STIP1: variants seen among roughly 807,000 people sequenced by gnomAD.
STIP1 encodes the protein stress-induced-phosphoprotein 1.
Under a neutral mutation model 77.4 loss-of-function variants are expected in STIP1, and 16 were observed. The observed-to-expected ratio is 0.21, with a 90% confidence interval of 0.14 to 0.31. The LOEUF is 0.31. STIP1 is among the 10% of genes least tolerant of loss of function. The pLI, the probability that STIP1 is intolerant of heterozygous loss-of-function variation, is 1.00. For synonymous variants in STIP1, 258 were observed against 246.6 expected (o/e 1.05, Z -0.44); for missense variants, 524 against 684.8 (o/e 0.77, Z 2.62).
upstream of STIP1, chr11:64,185,991 G>A: frequency 6.5e-7 from 1 of 1,541,896 alleles, no homozygotes; most frequent in Non-Finnish European, 8.7e-7. Context: ...TTATAGAGGA[G>A]CGCCCAATCC....
intron 6 of STIP1, 21 bp from the exon 7 acceptor site, chr11:64,197,472 C>CT (rs746203554): frequency 6.2e-7 from 1 of 1,614,052 alleles, no homozygotes; most frequent in Non-Finnish European, 8.5e-7. Context: ...ACTGTTCCTT[C>CT]TTAACCATCC....
In STIP1 at chr11:64,194,476, C is replaced by T. The variant is rs776155742; in HGVS notation, c.362-3C>T. ...AGTGATGTGCTTTCCTTTATTTGGA[C>T]AGAGAGAAAATTCATGAACCCTTTC... On this transcript the variant is annotated splice_region_variant and splice_polypyrimidine_tract_variant and intron_variant, in intron 3 of 13. Coordinates refer to ENST00000305218, the MANE Select transcript of STIP1 (RefSeq NM_006819.3). The T allele has an allele frequency of 1.2e-6, 2 of 1,614,034 alleles. No homozygotes were observed. Among genetic ancestry groups the T allele is most frequent in the Non-Finnish European group, 1.7e-6 (2 of 1,179,956 alleles).
At chr11:64,200,429 C>G (rs1946204832) in intron 10 of STIP1, 136 bp downstream of exon 10, 1 of 1,367,950 alleles carries the variant, frequency 7.3e-7, no homozygotes, top group Non-Finnish European at 9.9e-7. Context: ...CCTGCCTCAG[C>G]CTCCTGAGGA....
rs914450170 is a variant in STIP1 at position 64,204,487 on chromosome 11, C to T, written c.*361C>T. 5 of 280,370 alleles carry T rather than the reference C, an allele frequency of 1.8e-5. No individual in the cohort carries two copies. The highest frequency in any genetic ancestry group is 4.4e-5 in the African/African-American group (2 of 45,590). The allele number at this position is 280,370 out of a possible 1,614,324, so 17.4% of individuals were successfully genotyped here. A position where few individuals can be genotyped will look rare whatever the true frequency, so the allele number is the denominator to read the frequency against. Reference sequence around the variant, plus strand: ...CCAGCCTCAGGTCCCAGCTGTCTCACGTTGTTTATTCTGCGTCCCCTTCTC... The same window carrying T: ...CCAGCCTCAGGTCCCAGCTGTCTCATGTTGTTTATTCTGCGTCCCCTTCTC... On this transcript the variant is annotated 3_prime_UTR_variant, in exon 14 of 14. Coordinates refer to ENST00000305218, the MANE Select transcript of STIP1 (RefSeq NM_006819.3).
intron 1 of STIP1, among the ~76,000 whole-genome samples, chr11:64,191,435 ATC>A (rs72418102): frequency 0.038 from 5,772 of 151,810 alleles, 365 homozygotes; most frequent in African/African-American, 0.13. Flanking sequence ...GTGAAACTCC[ATC>A]TCTACTAAAA....
At position 64,194,333 on chromosome 11, in the gene STIP1, A is replaced by G. The variant is rs1222194509; in HGVS notation, c.361+3A>G. 5 of 1,613,386 alleles carry G rather than the reference A, an allele frequency of 3.1e-6. No individual in the cohort carries two copies. Among genetic ancestry groups the G allele is most frequent in the Non-Finnish European group, 4.2e-6 (5 of 1,179,826 alleles). On this transcript the variant is annotated splice_donor_region_variant and intron_variant, in intron 3 of 13. Coordinates refer to ENST00000305218, the MANE Select transcript of STIP1 (RefSeq NM_006819.3). ...GAATATGGAGGCCAGGTTGGCAGGT[A>G]GGTACCACGCACAGTTTTCTTTCTT...
chr11:64,185,713 G>A, upstream of STIP1: 3 of 1,420,840 alleles, frequency 2.1e-6, no homozygotes, highest in African/African-American at 1.4e-5. Flanking sequence ...CATATATCAG[G>A]GGCGGGGCGA....
At chr11:64,198,516 A>G (rs1946176393) in intron 8 of STIP1, among the ~76,000 whole-genome samples, 1 of 151,890 alleles carries the variant, frequency 6.6e-6, no homozygotes, top group Admixed American at 6.6e-5. Flanking sequence ...CGTCCAGCTA[A>G]TTTTTTTATT....
At chr11:64,194,152 G>A in intron 2 of STIP1, 37 bp from the exon 3 acceptor site, 1 of 1,586,586 alleles carries the variant, frequency 6.3e-7, no homozygotes, top group Non-Finnish European at 8.6e-7. Context: ...TTACCTCTGG[G>A]TGTTCTCTAT....
At chr11:64,201,730 AT>A (rs1946221390) in intron 10 of STIP1, among the ~76,000 whole-genome samples, 1 of 152,156 alleles carries the variant, frequency 6.6e-6, no homozygotes, top group African/African-American at 2.4e-5. Flanking sequence ...AAGCATATTG[AT>A]TTGTGAGGCA....
rs762953405 is a variant in STIP1, at chr11:64,197,365, C to T, written c.767C>T (p.Pro256Leu). The part of the protein sequence containing the change: ...KHYDKAKELD[P>L]TNMTYITNQA... ...TACGACAAAGCCAAGGAGCTGGACC[C>T]CACTAACATGACTTACATTACCAAT... The change falls in exon 6 of 14, where the codon CCC (proline) becomes CTC (leucine). Residue 256 changes from proline to leucine, a missense_variant. Physicochemically the swap from Pro to Leu is moderately conservative, Grantham distance 98. Transcript: ENST00000305218. The T allele has an allele frequency of 6.2e-7, 1 of 1,613,972 alleles. No individual in the cohort carries two copies. Among genetic ancestry groups the T allele is most frequent in the East Asian group, 2.2e-5 (1 of 44,868 alleles).
At chr11:64,202,400 ATTTTTTTTTTTTTT>A (rs1174421253) in intron 10 of STIP1, 1 of 101,886 alleles carries the variant, frequency 9.8e-6, no homozygotes, top group African/African-American at 4.6e-5. Flanking sequence ...AGGCCAGCAA[ATTTTTTTTTTTTTT>A]TTTTTTTTTT....
At chr11:64,189,477 A>G (rs1219840716) in intron 1 of STIP1, among the ~76,000 whole-genome samples, 4 of 152,162 alleles carry the variant, frequency 2.6e-5, no homozygotes, top group African/African-American at 7.2e-5. Context: ...CAGTGAGCCA[A>G]GATTGCGCCA....
chr11:64,203,113 T>C lies in STIP1; in HGVS notation c.1283-12T>C, dbSNP rs752194366. ...CTGCGGTTGGATAACGCGCCACCTTTCCTGTTTGTAGTCAAGGGTTATACA... is the reference window on the plus strand; with the variant it reads ...CTGCGGTTGGATAACGCGCCACCTTCCCTGTTTGTAGTCAAGGGTTATACA... On this transcript the variant is annotated splice_polypyrimidine_tract_variant and intron_variant, in intron 11 of 13. Transcript: ENST00000305218. 1.1e-4 allele frequency: 185 copies of C among 1,614,054 alleles called. No homozygotes were observed. Among genetic ancestry groups the C allele is most frequent in the Non-Finnish European group, 1.5e-4 (175 of 1,180,006 alleles).
intron 1 of STIP1, among the ~76,000 whole-genome samples, chr11:64,188,381 C>T (rs1243547729): frequency 1.3e-5 from 2 of 151,626 alleles, no homozygotes; most frequent in Admixed American, 6.6e-5. Context: ...ATTTCTGTTA[C>T]CAAATTTATT....
chr11:64,198,753 G>GTTTTTTTTTTTTTTTTTTTTTTTTTTGT (rs371481270), intron 8 of STIP1, among the ~76,000 whole-genome samples: 1 of 111,060 alleles, frequency 9.0e-6, no homozygotes, highest in African/African-American at 3.5e-5. Context: ...TTTTTTTGTG[G>GTTTTTTTTTTTTTTTTTTTTTTTTTTGT]TTTTTTTTTT....
At chr11:64,193,051 A>C in intron 1 of STIP1, 27 bp from the exon 2 acceptor site, 5 of 1,607,160 alleles carry the variant, frequency 3.1e-6, no homozygotes, top group Non-Finnish European at 4.3e-6. Flanking sequence ...CACATCATAG[A>C]GAAGCTGTGT....
At chr11:64,186,138 A>C, upstream of STIP1, 7 of 1,550,818 alleles carry the variant, frequency 4.5e-6, no homozygotes, top group Non-Finnish European at 6.1e-6. Context: ...ACCAGTGAGC[A>C]GGCGAGGAAG....
At position 64,203,462 on chromosome 11, in the gene STIP1, G is replaced by C. The variant is rs779012872; in HGVS notation, c.1399G>C (p.Gly467Arg). 3 of 1,614,002 alleles carry C rather than the reference G, an allele frequency of 1.9e-6. No homozygotes were observed. The highest frequency in any genetic ancestry group is 2.5e-6 in the Non-Finnish European group (3 of 1,179,984). The change falls in exon 13 of 14, where the codon GGC (glycine) becomes CGC (arginine). Residue 467 changes from glycine to arginine, a missense_variant. Coordinates refer to ENST00000305218, the MANE Select transcript of STIP1 (RefSeq NM_006819.3). The stretch of plus-strand genomic sequence containing the variant: ...TTCTGGACTGCAGGAGGCGGCAGAC[G>C]GCTACCAGCGCTGTATGATGGCGCA... Reference protein sequence around the residue: ...LDSSCKEAADGYQRCMMAQYN... With the variant: ...LDSSCKEAADRYQRCMMAQYN...
Sources: allele counts gnomAD v4.1 joint callset (sites outside exome capture counted in the v4.1 genomes callset), GRCh38; gene constraint gnomAD v4.1.1; transcripts MANE v1.5; gene names NCBI Gene and HGNC (gene_info 2026-07-23, HGNC 2026-07-21).